RMND1: variants seen among roughly 807,000 people sequenced by gnomAD.
RMND1 encodes the protein required for meiotic nuclear division protein 1 homolog.
In RMND1, 41 loss-of-function variants were observed where a neutral mutation model predicts 54.0. The ratio of observed to expected loss-of-function variants is 0.76; its 90% CI spans 0.59 to 0.98. The LOEUF (loss-of-function observed/expected upper bound fraction) is 0.98. Among genes scored for constraint, RMND1 ranks in the 50% least tolerant of loss-of-function variants. RMND1 has a pLI of 0.00. For synonymous variants in RMND1, 183 were observed against 181.7 expected (o/e 1.01, Z -0.06); for missense variants, 457 against 532.0 (o/e 0.86, Z 1.39).
In RMND1 at chr6:151,450,651, C is replaced by T. The variant is rs567827477; in HGVS notation, c.-15+1365G>A. 3.4e-3 allele frequency among the ~76,000 whole-genome samples: 507 copies of T among 151,098 alleles called. 3 individuals carry two copies. Among genetic ancestry groups the T allele is most frequent in the African/African-American group, 0.011 (457 of 41,168 alleles). On this transcript the variant is annotated intron_variant, in intron 1 of 11. Coordinates refer to ENST00000444024, the MANE Select transcript of RMND1 (RefSeq NM_017909.4). The stretch of plus-strand genomic sequence containing the variant: ...GGGCGCCTCTGCCCGGCCGCCCCTA[C>T]TGGGATGTGAGGAGCCCCTCTGCCC...
intron 10 of RMND1, among the ~76,000 whole-genome samples, chr6:151,412,091 C>G (rs115104194): frequency 6.6e-5 from 10 of 152,220 alleles, no homozygotes; most frequent in South Asian, 2.1e-4. Context: ...CCTCTGCCCC[C>G]CTTAGGTTCA....
chr6:151,420,508 C>T (rs1328440825), intron 9 of RMND1, among the ~76,000 whole-genome samples: 2 of 152,130 alleles, frequency 1.3e-5, no homozygotes, highest in Admixed American at 6.6e-5. Context: ...TGTTTCATTC[C>T]GTAAATCCTG....
intron 1 of RMND1, among the ~76,000 whole-genome samples, chr6:151,449,480 C>T (rs902969388): frequency 6.6e-6 from 1 of 152,058 alleles, no homozygotes; most frequent in African/African-American, 2.4e-5. Context: ...GCTCCTCATT[C>T]TGGTCTCTGG....
chr6:151,450,864 T>C (rs1460518291), intron 1 of RMND1, among the ~76,000 whole-genome samples: 2 of 151,986 alleles, frequency 1.3e-5, no homozygotes, highest in African/African-American at 2.4e-5. Flanking sequence ...CTAAGAAAAA[T>C]TCTTCTGCCT....
chr6:151,438,271 C>A lies in RMND1; in HGVS notation c.505-1717G>T, dbSNP rs113792784. Among the ~76,000 whole-genome samples, 122 of 152,320 alleles carry A rather than the reference C, an allele frequency of 8.0e-4. 1 individual carries two copies. Among genetic ancestry groups the A allele is most frequent in the African/African-American group, 2.8e-3 (117 of 41,568 alleles). On this transcript the variant is annotated intron_variant, in intron 2 of 11. Transcript: ENST00000444024. The stretch of plus-strand genomic sequence containing the variant: ...GGCATCAGGCGAGACATCGGGTAGG[C>A]TCCACTCTGCAAGACCTGGCAAATT...
rs1437379899 is a variant in RMND1, at chr6:151,433,181, A to T, written c.663T>A (p.Gly221=). Reference sequence around the variant, plus strand: ...TGAAGAAGAATATTGTTCCAGGATCACCTTCTTTTGCAGAATTTTCCACAC... The same window carrying T: ...TGAAGAAGAATATTGTTCCAGGATCTCCTTCTTTTGCAGAATTTTCCACAC... The part of the protein sequence containing the change: ...VMGVENSAKE[G]DPGTIFFFRE... Residue 221 remains glycine (G), a synonymous_variant, in exon 4 of 12, where the codon GGT becomes GGA. Transcript: ENST00000444024. 6.2e-7 allele frequency: 1 copy of T among 1,612,172 alleles called. No homozygotes were observed. The highest frequency in any genetic ancestry group is 8.5e-7 in the Non-Finnish European group (1 of 1,178,800).
At chr6:151,439,942 CA>C (rs1217589125) in intron 2 of RMND1, among the ~76,000 whole-genome samples, 1 of 151,774 alleles carries the variant, frequency 6.6e-6, no homozygotes, top group Non-Finnish European at 1.5e-5. Flanking sequence ...TTACAGGCAT[CA>C]GTGACCGCAC....
In RMND1 at chr6:151,407,154, C is replaced by CA. The variant is rs1184714392; in HGVS notation, c.1201-1319dup. Among the ~76,000 whole-genome samples the CA allele has an allele frequency of 8.4e-4, 126 of 149,368 alleles. 1 individual carries two copies. Among genetic ancestry groups the CA allele is most frequent in the African/African-American group, 2.5e-3 (102 of 40,594 alleles). On this transcript the variant is annotated intron_variant, in intron 10 of 11. Coordinates refer to ENST00000444024, the MANE Select transcript of RMND1 (RefSeq NM_017909.4). ...GGGTGCCAAAGTGAGATCCTGTCTC[C>CA]AAAAAAAAACTGTCTTACTCACAGA...
chr6:151,429,477 T>C lies in RMND1; in HGVS notation c.729+661A>G, dbSNP rs150606516. 3.9e-3 allele frequency among the ~76,000 whole-genome samples: 601 copies of C among 152,262 alleles called. 1 individual carries two copies. The highest frequency in any genetic ancestry group is 4.9e-3 in the Non-Finnish European group (333 of 68,010). The stretch of plus-strand genomic sequence containing the variant: ...ATATATATAGGCAATCTCCCAGAAA[T>C]AGATATTTTTTTACATGATTTCTAA... On this transcript the variant is annotated intron_variant, in intron 5 of 11. Coordinates refer to ENST00000444024, the MANE Select transcript of RMND1 (RefSeq NM_017909.4).
chr6:151,415,810 A>G (rs996737000), intron 10 of RMND1, among the ~76,000 whole-genome samples: 2 of 146,090 alleles, frequency 1.4e-5, no homozygotes, highest in Non-Finnish European at 3.0e-5. Flanking sequence ...AAAAAAAAAA[A>G]AAAGTCACAT....
At chr6:151,427,407 T>A in intron 6 of RMND1, 75 bp downstream of exon 6, 2 of 831,530 alleles carry the variant, frequency 2.4e-6, no homozygotes, top group African/African-American at 1.7e-5. Flanking sequence ...ATATGCATAA[T>A]AATTTGTCTC....
rs747048476 is a variant in RMND1 at position 151,433,170 on chromosome 6, G to A, written c.674C>T (p.Thr225Ile). The A allele has an allele frequency of 3.0e-5, 49 of 1,610,102 alleles. 1 individual carries two copies. The East Asian group carries it at 1.1e-3, about 35-fold the overall frequency. Residue 225 changes from threonine to isoleucine, a missense_variant, in exon 4 of 12, where the codon ACA becomes ATA. Transcript: ENST00000444024. ...CCTGTCTTACCTGAAGAAGAATATT[G>A]TTCCAGGATCACCTTCTTTTGCAGA... ...ENSAKEGDPG[T>I]IFFFREGAAV...
Position 151,433,167 on chromosome 6 carries a change from A to G in RMND1, c.677T>C (p.Ile226Thr), listed in dbSNP as rs1202055476. Residue 226 changes from isoleucine to threonine, a missense_variant, in exon 4 of 12, where the codon ATA (isoleucine) becomes ACA (threonine). By Grantham distance (89) the Ile-to-Thr change is moderately conservative. Coordinates refer to ENST00000444024, the MANE Select transcript of RMND1 (RefSeq NM_017909.4). ...TTTCCTGTCTTACCTGAAGAAGAAT[A>G]TTGTTCCAGGATCACCTTCTTTTGC... The part of the protein sequence containing the change: ...NSAKEGDPGT[I>T]FFFREGAAVF... 2 of 1,609,820 alleles carry G rather than the reference A, an allele frequency of 1.2e-6. No homozygotes were observed. Among genetic ancestry groups the G allele is most frequent in the East Asian group, 4.5e-5 (2 of 44,778 alleles).
Position 151,405,803 on chromosome 6 carries a change from GT to G in RMND1, c.1233del (p.Glu411AspfsTer2). On this transcript the variant is annotated frameshift_variant, in exon 11 of 12. Coordinates refer to ENST00000444024, the MANE Select transcript of RMND1 (RefSeq NM_017909.4). LOFTEE classifies it high-confidence loss of function. ...AGGTGATTCCGCATTAGATCTGTTA[GT>G]TCCATGCAGTGCTGAAGTTTTTCAT... ...VMNEKLQHCMELTDLMRNHLN... is the reference protein window; with the variant it reads ...VMNEKLQHCMXLTDLMRNHLN... 6.2e-7 allele frequency: 1 copy of G among 1,610,992 alleles called. No homozygotes were observed. The highest frequency in any genetic ancestry group is 8.5e-7 in the Non-Finnish European group (1 of 1,177,386).
At chr6:151,407,888 G>A (rs1779682435) in intron 10 of RMND1, among the ~76,000 whole-genome samples, 1 of 151,964 alleles carries the variant, frequency 6.6e-6, no homozygotes, top group African/African-American at 2.4e-5. Context: ...TCCAGCCTGG[G>A]CGACAGAGCG....
intron 2 of RMND1, among the ~76,000 whole-genome samples, chr6:151,439,954 C>T (rs1780727157): frequency 6.6e-6 from 1 of 152,060 alleles, no homozygotes; most frequent in Non-Finnish European, 1.5e-5. Flanking sequence ...GTGACCGCAC[C>T]CGGCCTATTT....
At chr6:151,406,279 T>C (rs184683271) in intron 10 of RMND1, among the ~76,000 whole-genome samples, 3 of 152,336 alleles carry the variant, frequency 2.0e-5, no homozygotes, top group South Asian at 4.1e-4. Context: ...TGCATTCCGA[T>C]GCCTCCAAAC....
At chr6:151,437,233 T>A (rs1321986128) in intron 2 of RMND1, among the ~76,000 whole-genome samples, 1 of 152,230 alleles carries the variant, frequency 6.6e-6, no homozygotes, top group African/African-American at 2.4e-5. Flanking sequence ...TGAGTTCTGA[T>A]ACCAATTTAG....
intron 1 of RMND1, among the ~76,000 whole-genome samples, chr6:151,446,844 T>C (rs182193862): frequency 6.6e-6 from 1 of 151,518 alleles, no homozygotes; most frequent in African/African-American, 2.4e-5. Flanking sequence ...GAGGTTGCAG[T>C]GAGCCAGGAT....
Sources: allele counts gnomAD v4.1 joint callset (sites outside exome capture counted in the v4.1 genomes callset), GRCh38; gene constraint gnomAD v4.1.1; transcripts MANE v1.5; gene names NCBI Gene and HGNC (gene_info 2026-07-23, HGNC 2026-07-21).